Variants in CTTNBP2NL observed in about 807,000 individuals in gnomAD.
CTTNBP2NL encodes CTTNBP2 N-terminal like.
A neutral mutation model predicts 32.5 loss-of-function variants in CTTNBP2NL; 16 were observed. The ratio of observed to expected loss-of-function variants is 0.49; its 90% CI spans 0.33 to 0.75. The LOEUF (loss-of-function observed/expected upper bound fraction) is 0.75. Among genes scored for constraint, CTTNBP2NL ranks in the 30% least tolerant of loss-of-function variants. CTTNBP2NL has a pLI of 0.02. For synonymous variants in CTTNBP2NL, 298 were observed against 289.4 expected (o/e 1.03, Z -0.30); for missense variants, 645 against 756.0 (o/e 0.85, Z 1.72).
At chr1:112,434,585 G>A (rs1439837308) in intron 3 of CTTNBP2NL, among the ~76,000 whole-genome samples, 1 of 152,182 alleles carries the variant, frequency 6.6e-6, no homozygotes, top group Middle Eastern at 3.4e-3. Flanking sequence ...ACCATCATTA[G>A]TATCAAGTTG....
intron 1 of CTTNBP2NL, among the ~76,000 whole-genome samples, chr1:112,408,343 A>T (rs1451301725): frequency 2.0e-5 from 3 of 149,216 alleles, no homozygotes; most frequent in Non-Finnish European, 4.4e-5. Context: ...GCACCCAGCC[A>T]GAAAATTATT....
intron 1 of CTTNBP2NL, among the ~76,000 whole-genome samples, chr1:112,409,426 A>T (rs1648788241): frequency 6.6e-6 from 1 of 152,208 alleles, no homozygotes; most frequent in African/African-American, 2.4e-5. Flanking sequence ...ATTTAAATAG[A>T]TCTATATAGA....
At chr1:112,413,272 G>A (rs930590259) in intron 2 of CTTNBP2NL, among the ~76,000 whole-genome samples, 1 of 152,088 alleles carries the variant, frequency 6.6e-6, no homozygotes, top group African/African-American at 2.4e-5. Context: ...GCTTAAACTA[G>A]AACCAAGAAG....
At chr1:112,440,467 C>G (rs1472093333) in intron 3 of CTTNBP2NL, among the ~76,000 whole-genome samples, 4 of 152,168 alleles carry the variant, frequency 2.6e-5, no homozygotes, top group Non-Finnish European at 4.4e-5. Context: ...ACTTTTTGGA[C>G]AGTAACACAT....
chr1:112,409,863 A>G (rs1295354740), intron 1 of CTTNBP2NL, among the ~76,000 whole-genome samples: 4 of 152,218 alleles, frequency 2.6e-5, no homozygotes, highest in African/African-American at 7.2e-5. Flanking sequence ...GAGCAGAGCC[A>G]CACCAACATA....
chr1:112,407,925 A>G (rs879337673), intron 1 of CTTNBP2NL, among the ~76,000 whole-genome samples: 8 of 138,358 alleles, frequency 5.8e-5, no homozygotes, highest in Non-Finnish European at 1.1e-4. Context: ...CCTCACTGCA[A>G]CCTCCACCAC....
chr1:112,419,414 A>G (rs1172656962), intron 3 of CTTNBP2NL, among the ~76,000 whole-genome samples: 1 of 152,236 alleles, frequency 6.6e-6, no homozygotes, highest in African/African-American at 2.4e-5. Flanking sequence ...GGATCTAATG[A>G]CAGTGCCAAA....
At chr1:112,401,708 G>A (rs999177330) in intron 1 of CTTNBP2NL, among the ~76,000 whole-genome samples, 2 of 152,100 alleles carry the variant, frequency 1.3e-5, no homozygotes, top group South Asian at 2.1e-4. Context: ...CATGAAAGGC[G>A]GGAGTTTGTG....
chr1:112,406,661 G>A (rs974895252), intron 1 of CTTNBP2NL, among the ~76,000 whole-genome samples: 2 of 152,086 alleles, frequency 1.3e-5, no homozygotes, highest in Admixed American at 6.6e-5. Flanking sequence ...CTCAATAAAT[G>A]TTTATCTTTT....
In CTTNBP2NL at chr1:112,448,921, AT is replaced by A. The variant is rs747519992; in HGVS notation, c.100-13del. 3.1e-5 allele frequency: 45 copies of A among 1,433,310 alleles called. No individual in the cohort carries two copies. The highest frequency in any genetic ancestry group is 4.0e-5 in the Non-Finnish European group (41 of 1,018,658). The allele number at this position is 1,433,310 out of a possible 1,614,324, so 88.8% of individuals were successfully genotyped here. A position where few individuals can be genotyped will look rare whatever the true frequency, so the allele number is the denominator to read the frequency against. On this transcript the variant is annotated intron_variant, in intron 3 of 5. Coordinates refer to ENST00000271277, the MANE Select transcript of CTTNBP2NL (RefSeq NM_018704.3). Reference sequence around the variant, plus strand: ...AGTAGTTTTAAAAAGCAAGATGCTTATTTTTTTTCCTCTTTCCCAGGCCCAA... The same window carrying A: ...AGTAGTTTTAAAAAGCAAGATGCTTATTTTTTTCCTCTTTCCCAGGCCCAA...
At chr1:112,419,380 A>G (rs1368438649) in intron 3 of CTTNBP2NL, among the ~76,000 whole-genome samples, 1 of 152,192 alleles carries the variant, frequency 6.6e-6, no homozygotes, top group Non-Finnish European at 1.5e-5. Context: ...TTCACTGAAA[A>G]TATTATTGAA....
intron 4 of CTTNBP2NL, 31 bp from the exon 5 acceptor site, chr1:112,454,418 T>C (rs1366214997): frequency 6.5e-7 from 1 of 1,542,080 alleles, no homozygotes; most frequent in Admixed American, 1.7e-5. Context: ...TCCTTGATAT[T>C]TGAAAATGAA....
At chr1:112,449,753 T>TG (rs58369949) in intron 4 of CTTNBP2NL, among the ~76,000 whole-genome samples, 1,788 of 25,414 alleles carry the variant, frequency 0.07, 22 homozygotes, top group East Asian at 0.14. Context: ...TGTGTGTGTG[T>TG]TTTCCATATT....
chr1:112,427,613 C>T (rs1167498723), intron 3 of CTTNBP2NL, among the ~76,000 whole-genome samples: 3 of 151,972 alleles, frequency 2.0e-5, no homozygotes, highest in Admixed American at 2.0e-4. Flanking sequence ...AAAGTAAATC[C>T]TGCTGGGTGT....
At chr1:112,413,672 TTTTTA>T (rs1648953478) in intron 2 of CTTNBP2NL, among the ~76,000 whole-genome samples, 1 of 152,234 alleles carries the variant, frequency 6.6e-6, no homozygotes, top group South Asian at 2.1e-4. Context: ...TTAGTTTTTA[TTTTTA>T]TTTTTAAAAT....
In CTTNBP2NL at chr1:112,460,787, T is replaced by C. The variant is rs1218230738; in HGVS notation, c.*3375T>C. On this transcript the variant is annotated 3_prime_UTR_variant, in exon 6 of 6. Transcript: ENST00000271277. ...TTCAAATAGTGTGGATGTTTACATA[T>C]CTGAAGTTTTCAGCATTTAAGCAAA... The C allele has an allele frequency of 1.3e-5, 2 of 152,266 alleles. No individual in the cohort carries two copies. Among genetic ancestry groups the C allele is most frequent in the East Asian group, 3.8e-4 (2 of 5,204 alleles). The allele number at this position is 152,266 out of a possible 1,614,324, so 9.4% of individuals were successfully genotyped here. A position where few individuals can be genotyped will look rare whatever the true frequency, so the allele number is the denominator to read the frequency against.
chr1:112,410,088 T>A (rs1193687823), intron 1 of CTTNBP2NL, among the ~76,000 whole-genome samples: 1 of 152,178 alleles, frequency 6.6e-6, no homozygotes, highest in Non-Finnish European at 1.5e-5. Flanking sequence ...AAATCACTTA[T>A]TGATAACATA....
chr1:112,454,588 T>C (rs1650312702), intron 5 of CTTNBP2NL, 32 bp downstream of exon 5: 1 of 1,449,638 alleles, frequency 6.9e-7, no homozygotes, highest in Admixed American at 1.7e-5. Flanking sequence ...ACAGTAGCAT[T>C]TGCCTGGAAC....
chr1:112,445,468 A>G (rs989618489), intron 3 of CTTNBP2NL, among the ~76,000 whole-genome samples: 1 of 152,136 alleles, frequency 6.6e-6, no homozygotes, highest in Non-Finnish European at 1.5e-5. Flanking sequence ...GAAAAATACC[A>G]TGTTCTGTCT....
Sources: gnomAD v4.1 joint callset for allele counts (sites outside exome capture counted in the v4.1 genomes callset) on GRCh38, gnomAD v4.1.1 for gene constraint, MANE v1.5 for transcripts, NCBI Gene and HGNC (gene_info 2026-07-23, HGNC 2026-07-21) for gene names.